MYO19: variants seen among roughly 807,000 people sequenced by gnomAD.
MYO19 encodes the protein myosin XIX.
In MYO19, 132 loss-of-function variants were observed where a neutral mutation model predicts 129.2. The observed-to-expected ratio is 1.02, with a 90% CI of 0.89 to 1.18. The LOEUF is 1.18. MYO19 is among the 50% of genes most tolerant of loss of function. The probability of loss-of-function intolerance (pLI) is 0.00; values close to 1 mark genes in which losing one functional copy is unlikely to be tolerated. For synonymous variants in MYO19, 531 were observed against 477.2 expected, an observed-to-expected ratio of 1.11 and a Z score of -1.47; for missense variants, 1,210 against 1,216.7, an observed-to-expected ratio of 0.99 and a Z score of 0.08.
rs200203036 is a variant in MYO19, at chr17:36,527,607, G to C, written c.244C>G (p.Pro82Ala). Residue 82 changes from proline to alanine, a missense_variant, in exon 5 of 26, where the codon CCT (proline) becomes GCT (alanine). Physicochemically the swap from Pro to Ala is conservative, Grantham distance 27 (BLOSUM62 -1). Transcript: ENST00000614623. ...LVALNPFKPV[P>A]QLYSPELMRE... is the part of the protein sequence containing the mutation. ...ATTAGCTCGGGCGAGTAGAGCTGAG[G>C]AACAGGCTTGAAGGGGTTCAAGGCT... 1,499 of 1,614,008 alleles carry C rather than the reference G, an allele frequency of 9.3e-4. 2 individuals are homozygous for C. Among genetic ancestry groups the C allele is most frequent in the South Asian group, 1.5e-3 (137 of 91,072 alleles).
intron 2 of MYO19, among the ~76,000 whole-genome samples, chr17:36,541,128 T>C (rs1411227086): frequency 6.6e-5 from 10 of 152,054 alleles, no homozygotes; most frequent in Admixed American, 5.9e-4. Flanking sequence ...TTTGTATTTT[T>C]ATTAGAGACG....
chr17:36,516,088 C>T lies in MYO19; in HGVS notation c.415-98G>A, dbSNP rs1318356536. ...TGCCCACCAGAGCTCTCTTCTCCAC[C>T]AGTGTGTTGCTGACAAAATGGGTGA... On this transcript the variant is annotated intron_variant, in intron 6 of 25. Transcript: ENST00000614623. The T allele has an allele frequency of 5.1e-6, 7 of 1,371,644 alleles. No individual in the cohort carries two copies. The East Asian group carries it at 1.5e-4, about 30-fold the overall frequency. The allele number at this position is 1,371,644 out of a possible 1,614,324, so 85.0% of individuals were successfully genotyped here.
At chr17:36,516,033 G>T in intron 6 of MYO19, 43 bp from the exon 7 acceptor site, 1 of 1,566,418 alleles carries the variant, frequency 6.4e-7, no homozygotes, top group East Asian at 2.3e-5. Context: ...CTATGCTCCC[G>T]CCCACTTCTG....
intron 6 of MYO19, among the ~76,000 whole-genome samples, chr17:36,517,097 T>C (rs74489778): frequency 1.4e-3 from 220 of 152,342 alleles, no homozygotes; most frequent in African/African-American, 5.2e-3. Context: ...TCTCAAAATA[T>C]TTCTCCATTT....
chr17:36,513,804 GA>G, intron 9 of MYO19, 79 bp from the exon 10 acceptor site: 3 of 1,265,148 alleles, frequency 2.4e-6, no homozygotes, highest in Non-Finnish European at 3.3e-6. Flanking sequence ...ATGGGGTTGG[GA>G]TAAGAGGAGA....
At chr17:36,533,564 A>T (rs1415832775) in intron 2 of MYO19, 1 of 152,250 alleles carries the variant, frequency 6.6e-6, no homozygotes, top group Non-Finnish European at 1.5e-5. Context: ...GGCTCTGAAT[A>T]CATCAAGTCT....
intron 8 of MYO19, 32 bp from the exon 9 acceptor site, chr17:36,514,580 T>C: frequency 7.1e-7 from 1 of 1,416,238 alleles, no homozygotes; most frequent in Non-Finnish European, 1.0e-6. Context: ...GCCCGTTAGT[T>C]GCCCATTCAT....
At chr17:36,510,634 T>G in intron 13 of MYO19, 112 bp downstream of exon 13, 1 of 1,237,694 alleles carries the variant, frequency 8.1e-7, no homozygotes, top group Non-Finnish European at 1.1e-6. Flanking sequence ...CCAGTCTGTC[T>G]TATCTCCCAC....
At position 36,527,648 on chromosome 17, in the gene MYO19, G is replaced by C. The variant is rs768388466; in HGVS notation, c.203C>G (p.Ala68Gly). 57 of 1,613,880 alleles carry C rather than the reference G, an allele frequency of 3.5e-5. No homozygotes were observed. The East Asian group carries it at 1.2e-3, about 33-fold the overall frequency. ...RYMADTFYTN[A>G]GCTLVALNPF... Reference sequence around the variant, plus strand: ...GTTCAAGGCTACCAGGGTGCAGCCAGCATTGGTGTAGAATGTGTCTGCCAT... The same window carrying C: ...GTTCAAGGCTACCAGGGTGCAGCCACCATTGGTGTAGAATGTGTCTGCCAT... The change falls in exon 5 of 26, where the codon GCT (alanine) becomes GGT (glycine). Residue 68 changes from alanine to glycine, a missense_variant. Transcript: ENST00000614623.
chr17:36,500,653 C>G (rs2071450866), intron 23 of MYO19, 177 bp downstream of exon 23: 2 of 855,356 alleles, frequency 2.3e-6, no homozygotes, highest in East Asian at 2.7e-5. Context: ...TTCCATTGAA[C>G]TGGAGAGACG....
chr17:36,505,510 T>C (rs2071823449), intron 18 of MYO19, 106 bp from the exon 19 acceptor site: 6 of 751,230 alleles, frequency 8.0e-6, no homozygotes, highest in African/African-American at 7.0e-5. Context: ...GGCCCTTCCA[T>C]GATCCTGAGA....
chr17:36,533,508 G>A (rs776662830), intron 2 of MYO19: 3 of 152,192 alleles, frequency 2.0e-5, no homozygotes, highest in African/African-American at 4.8e-5. Context: ...GAGGCTGAGG[G>A]TGAAGCGTGC....
Position 36,507,507 on chromosome 17 carries a change from T to C in MYO19, c.1359A>G (p.Glu453=). 6.2e-7 allele frequency: 1 copy of C among 1,613,452 alleles called. No homozygotes were observed. The highest frequency in any genetic ancestry group is 8.5e-7 in the Non-Finnish European group (1 of 1,179,810). ...VAHYLRAQQE[E]YAVEGLEWSF... ...ACCACTCCAGGCCCTCAACTGCGTA[T>C]TCCTCCTAAAGAACAAGGTGGGATG... The change falls in exon 16 of 26, where the codon GAA becomes GAG. Residue 453 remains glutamate, a synonymous_variant. Transcript: ENST00000614623.
chr17:36,518,557 T>C (rs2072941283), intron 6 of MYO19, among the ~76,000 whole-genome samples: 1 of 121,098 alleles, frequency 8.3e-6, no homozygotes, highest in Admixed American at 8.5e-5. Context: ...TATATATGTG[T>C]ATGTGTATAT....
At chr17:36,516,469 C>A (rs1188673297) in intron 6 of MYO19, among the ~76,000 whole-genome samples, 1 of 152,028 alleles carries the variant, frequency 6.6e-6, no homozygotes, top group Non-Finnish European at 1.5e-5. Context: ...CTCCTGAGTT[C>A]AAGCGATTCT....
In MYO19 at chr17:36,528,049, A is replaced by C. The variant is rs1477870519; in HGVS notation, c.151+15T>G. 2 of 1,606,952 alleles carry C rather than the reference A, an allele frequency of 1.2e-6. No individual in the cohort carries two copies. The highest frequency in any genetic ancestry group is 2.7e-5 in the African/African-American group (2 of 74,810). Reference sequence around the variant, plus strand: ...CTCCTGGAGATGATACTCCTGAGGAATGGGAGGCCCATACCTGTCTCTAGT... The same window carrying C: ...CTCCTGGAGATGATACTCCTGAGGACTGGGAGGCCCATACCTGTCTCTAGT... On this transcript the variant is annotated intron_variant, in intron 4 of 25. Coordinates refer to ENST00000614623, the MANE Select transcript of MYO19 (RefSeq NM_001163735.2).
At chr17:36,504,912 CAAAAAAAAAA>C (rs35146983) in intron 19 of MYO19, 1 of 187,064 alleles carries the variant, frequency 5.3e-6, no homozygotes, top group Non-Finnish European at 1.0e-5. Flanking sequence ...GGCTCAGTCT[CAAAAAAAAAA>C]AAAAAAAAGA....
chr17:36,538,852 C>T, upstream of MYO19: 2 of 401,922 alleles, frequency 5.0e-6, no homozygotes, highest in Admixed American at 8.5e-5. Flanking sequence ...CTCCCGGGTT[C>T]AAGCAATTCT....
intron 14 of MYO19, chr17:36,508,278 C>A: frequency 5.3e-6 from 1 of 188,900 alleles, no homozygotes; most frequent in Admixed American, 5.6e-5. Flanking sequence ...TGTGTTAAAT[C>A]TAGTTCGGAG....
Sources: gnomAD v4.1 joint callset for allele counts (sites outside exome capture counted in the v4.1 genomes callset) on GRCh38, gnomAD v4.1.1 for gene constraint, MANE v1.5 for transcripts, NCBI Gene and HGNC (gene_info 2026-07-23, HGNC 2026-07-21) for gene names.